The following LRRC4C variants were observed in gnomAD, a reference collection of about 807,000 sequenced individuals.
LRRC4C encodes leucine-rich repeat-containing protein 4C.
LRRC4C carries 5 observed loss-of-function variants against 33.6 expected under a neutral mutation model. The observed-to-expected ratio is 0.15, with a 90% confidence interval of 0.08 to 0.31. The LOEUF (loss-of-function observed/expected upper bound fraction) is 0.31, where lower values mean the gene tolerates loss of function less well. Among genes scored for constraint, LRRC4C ranks in the 10% least tolerant of loss-of-function variants. LRRC4C has a pLI of 1.00. For missense variants in LRRC4C, 560 were observed against 796.7 expected (o/e 0.70, Z 3.58); for synonymous variants, 329 against 302.0 (o/e 1.09, Z -0.93).
intron 1 of LRRC4C, among the ~76,000 whole-genome samples, chr11:41,451,811 G>A (rs1956034204): frequency 1.3e-5 from 2 of 152,110 alleles, no homozygotes; most frequent in African/African-American, 2.4e-5. Flanking sequence ...CAGGTACCTT[G>A]GTAGAGAAAA....
chr11:40,371,169 T>C (rs113920630), intron 3 of LRRC4C, among the ~76,000 whole-genome samples: 2 of 152,210 alleles, frequency 1.3e-5, no homozygotes, highest in African/African-American at 4.8e-5. Context: ...TCTTAGTTTT[T>C]ACACTGTTCA....
intron 3 of LRRC4C, among the ~76,000 whole-genome samples, chr11:40,587,683 G>A (rs1263774021): frequency 2.0e-5 from 3 of 151,902 alleles, no homozygotes; most frequent in Admixed American, 1.3e-4. Flanking sequence ...TTTTTAGCAT[G>A]AAGGGTTGTT....
At chr11:41,252,357 C>A (rs1423879175) in intron 1 of LRRC4C, among the ~76,000 whole-genome samples, 1 of 152,066 alleles carries the variant, frequency 6.6e-6, no homozygotes, top group Non-Finnish European at 1.5e-5. Context: ...CTCCTAGGTC[C>A]TTGAAAATAC....
chr11:41,059,209 A>AGTT (rs755580114), intron 1 of LRRC4C, among the ~76,000 whole-genome samples: 47 of 7,276 alleles, frequency 6.5e-3, no homozygotes, highest in Non-Finnish European at 0.03. Context: ...CTAAAATAAA[A>AGTT]GTTTTTTTTT....
In LRRC4C at chr11:41,451,281, C is replaced by T. The variant is rs568937745; in HGVS notation, c.-496+8150G>A. Reference sequence around the variant, plus strand: ...TGTTCTTGACCTAAATCCATGACATCGTTCTGAGGTTCAGGAATAGGAATA... The same window carrying T: ...TGTTCTTGACCTAAATCCATGACATTGTTCTGAGGTTCAGGAATAGGAATA... On this transcript the variant is annotated intron_variant, in intron 1 of 6. Coordinates refer to ENST00000528697, the MANE Select transcript of LRRC4C (RefSeq NM_001258419.2). 3.9e-5 allele frequency among the ~76,000 whole-genome samples: 6 copies of T among 152,126 alleles called. No individual in the cohort carries two copies. The East Asian group carries it at 9.6e-4, about 24-fold the overall frequency.
intron 5 of LRRC4C, among the ~76,000 whole-genome samples, chr11:40,213,423 T>G (rs1863751301): frequency 6.6e-6 from 1 of 152,124 alleles, no homozygotes; most frequent in Admixed American, 6.6e-5. Context: ...TGGGAACTAC[T>G]GGAATAATTT....
At chr11:40,311,276 T>A (rs528269718) in intron 4 of LRRC4C, among the ~76,000 whole-genome samples, 1 of 152,354 alleles carries the variant, frequency 6.6e-6, no homozygotes, top group East Asian at 1.9e-4. Flanking sequence ...CATCTGTTCC[T>A]CTTATCTCTA....
chr11:40,997,954 G>T (rs1854101803), intron 1 of LRRC4C, among the ~76,000 whole-genome samples: 1 of 151,986 alleles, frequency 6.6e-6, no homozygotes, highest in Non-Finnish European at 1.5e-5. Flanking sequence ...AATAAATATT[G>T]ACTTAGTTTT....
At chr11:40,318,902 T>C (rs1945707949) in intron 4 of LRRC4C, among the ~76,000 whole-genome samples, 1 of 152,206 alleles carries the variant, frequency 6.6e-6, no homozygotes, top group Non-Finnish European at 1.5e-5. Flanking sequence ...ACCTGACTTC[T>C]AATAGGAAGG....
chr11:41,198,889 C>G (rs890938181), intron 1 of LRRC4C, among the ~76,000 whole-genome samples: 7 of 151,986 alleles, frequency 4.6e-5, no homozygotes, highest in Non-Finnish European at 8.8e-5. Context: ...ATGTATTGAG[C>G]AAAATTTAGA....
intron 2 of LRRC4C, among the ~76,000 whole-genome samples, chr11:40,850,570 T>C (rs1953431301): frequency 6.6e-6 from 1 of 152,148 alleles, no homozygotes; most frequent in Admixed American, 6.5e-5. Flanking sequence ...CGACCCCTGC[T>C]GGGAGGTTTT....
intron 1 of LRRC4C, among the ~76,000 whole-genome samples, chr11:41,134,522 G>A (rs1490104806): frequency 6.6e-6 from 1 of 152,146 alleles, no homozygotes; most frequent in African/African-American, 2.4e-5. Context: ...CTCTTAAAAG[G>A]TAGAATATTT....
Position 40,782,840 on chromosome 11 carries a change from G to GTGTGTATACAGATGTACACACA in LRRC4C, c.-406-134584_-406-134563dup, listed in dbSNP as rs1228244013. ...TCTCTCTCTGTCTATACATATATGT[G>GTGTGTATACAGATGTACACACA]TGTGTATACAGATGTACACACATGT... On this transcript the variant is annotated intron_variant, in intron 2 of 6. Transcript: ENST00000528697. 1.3e-3 allele frequency among the ~76,000 whole-genome samples: 195 copies of GTGTGTATACAGATGTACACACA among 152,148 alleles called. 1 individual carries two copies. Among genetic ancestry groups the GTGTGTATACAGATGTACACACA allele is most frequent in the Admixed American group, 5.0e-3 (77 of 15,274 alleles).
intron 1 of LRRC4C, among the ~76,000 whole-genome samples, chr11:41,405,713 T>G (rs2138155390): frequency 6.6e-6 from 1 of 152,260 alleles, no homozygotes; most frequent in Middle Eastern, 3.4e-3. Flanking sequence ...AGGAAGAATC[T>G]ATCATTTTGG....
intron 3 of LRRC4C, among the ~76,000 whole-genome samples, chr11:40,609,279 T>G (rs1960950785): frequency 6.6e-6 from 1 of 151,950 alleles, no homozygotes; most frequent in Non-Finnish European, 1.5e-5. Flanking sequence ...TGGGAAAATC[T>G]ACAAATAATG....
At chr11:40,878,003 T>C (rs1440000052) in intron 2 of LRRC4C, among the ~76,000 whole-genome samples, 4 of 152,194 alleles carry the variant, frequency 2.6e-5, no homozygotes, top group Admixed American at 2.6e-4. Context: ...AGTCTTCTGC[T>C]ATCTCATCAT....
At chr11:40,557,012 A>T (rs1037521562) in intron 3 of LRRC4C, among the ~76,000 whole-genome samples, 5 of 152,100 alleles carry the variant, frequency 3.3e-5, no homozygotes, top group African/African-American at 1.2e-4. Context: ...TCCATCTGTA[A>T]AAACAAAGCA....
At chr11:41,200,457 T>G (rs1037403930) in intron 1 of LRRC4C, among the ~76,000 whole-genome samples, 2 of 152,184 alleles carry the variant, frequency 1.3e-5, no homozygotes, top group Admixed American at 6.5e-5. Flanking sequence ...ATTTTGCTTT[T>G]AGAGGTTCAG....
intron 5 of LRRC4C, among the ~76,000 whole-genome samples, chr11:40,167,417 G>A (rs1859685366): frequency 6.6e-6 from 1 of 152,128 alleles, no homozygotes; most frequent in Admixed American, 6.5e-5. Flanking sequence ...CTCCAGCTAA[G>A]ATGTTTGTAA....
Sources: allele counts gnomAD v4.1 joint callset (sites outside exome capture counted in the v4.1 genomes callset), GRCh38; gene constraint gnomAD v4.1.1; transcripts MANE v1.5; gene names NCBI Gene and HGNC (gene_info 2026-07-23, HGNC 2026-07-21).